Variants in PHACTR1 observed in about 807,000 individuals in gnomAD.
The protein encoded by PHACTR1 is phosphatase and actin regulator 1.
Under a neutral mutation model 69.2 loss-of-function variants are expected in PHACTR1, and 16 were observed. That is an observed-to-expected ratio of 0.23 (90% CI 0.16 to 0.35). PHACTR1 has a LOEUF of 0.35. Among genes scored for constraint, PHACTR1 ranks in the 10% least tolerant of loss-of-function variants. The probability of loss-of-function intolerance (pLI) is 1.00; values close to 1 mark genes in which losing one functional copy is unlikely to be tolerated. For synonymous variants in PHACTR1, 312 were observed against 284.5 expected (o/e 1.10, Z -0.97); for missense variants, 510 against 734.7 (o/e 0.69, Z 3.54).
intron 4 of PHACTR1, among the ~76,000 whole-genome samples, chr6:12,765,044 A>G (rs1159762894): frequency 6.6e-6 from 1 of 152,226 alleles, no homozygotes; most frequent in Non-Finnish European, 1.5e-5. Flanking sequence ...CTCATATTTC[A>G]GAGTTATTAG....
rs1770106931 is a variant in PHACTR1 at position 13,228,068 on chromosome 6, G to A, written c.1234+5G>A. On this transcript the variant is annotated splice_donor_5th_base_variant and intron_variant, in intron 9 of 14. Coordinates refer to ENST00000332995, the MANE Select transcript of PHACTR1 (RefSeq NM_030948.6). ...ACGACAGCTCATTATACACCAGTGC[G>A]TTCATCTTAACTCATCACCAGGGGT... The A allele has an allele frequency of 6.2e-7, 1 of 1,607,716 alleles. No homozygotes were observed.
At chr6:13,096,756 G>A (rs375226014) in intron 5 of PHACTR1, among the ~76,000 whole-genome samples, 22 of 152,244 alleles carry the variant, frequency 1.4e-4, no homozygotes, top group African/African-American at 5.1e-4. Context: ...CATAGCTTTC[G>A]CAAGTGTTAT....
rs1299652774 is a variant in PHACTR1 at position 13,019,734 on chromosome 6, A to G, written c.251-33631A>G. Among the ~76,000 whole-genome samples, 6 of 152,232 alleles carry G rather than the reference A, an allele frequency of 3.9e-5. No individual in the cohort carries two copies. In the East Asian group the frequency reaches 7.7e-4, roughly 20 times the overall value. On this transcript the variant is annotated intron_variant, in intron 4 of 14. Coordinates refer to ENST00000332995, the MANE Select transcript of PHACTR1 (RefSeq NM_030948.6). Reference sequence around the variant, plus strand: ...CCTCATTTGTCTAAAGGAGATAAAAACACTCACATTGAAAAAGGTAATAGA... The same window carrying G: ...CCTCATTTGTCTAAAGGAGATAAAAGCACTCACATTGAAAAAGGTAATAGA...
At chr6:12,746,031 G>C (rs1245201572) in intron 3 of PHACTR1, among the ~76,000 whole-genome samples, 1 of 152,146 alleles carries the variant, frequency 6.6e-6, no homozygotes, top group Non-Finnish European at 1.5e-5. Context: ...GAAATATTGG[G>C]ACAAGCCCTT....
chr6:13,038,632 TAG>T (rs1290464440), intron 4 of PHACTR1, among the ~76,000 whole-genome samples: 1 of 152,196 alleles, frequency 6.6e-6, no homozygotes, highest in Non-Finnish European at 1.5e-5. Flanking sequence ...TTACAAACTA[TAG>T]AGTTTGTATA....
At position 12,746,103 on chromosome 6, in the gene PHACTR1, T is replaced by A. The variant is rs549189157; in HGVS notation, c.104-3541T>A. Reference sequence around the variant, plus strand: ...TGAAAAGGGACTGACTGTGTGGAACTGTTACGAAGACTAAGGAAGGGTGTG... The same window carrying A: ...TGAAAAGGGACTGACTGTGTGGAACAGTTACGAAGACTAAGGAAGGGTGTG... On this transcript the variant is annotated intron_variant, in intron 3 of 14. Coordinates refer to ENST00000332995, the MANE Select transcript of PHACTR1 (RefSeq NM_030948.6). Among the ~76,000 whole-genome samples, 24 of 152,236 alleles carry A rather than the reference T, an allele frequency of 1.6e-4. 1 individual carries two copies. In the South Asian group the frequency reaches 5.0e-3, roughly 32 times the overall value.
chr6:13,131,146 T>C (rs572952537), intron 5 of PHACTR1, among the ~76,000 whole-genome samples: 3 of 150,516 alleles, frequency 2.0e-5, no homozygotes, highest in African/African-American at 7.3e-5. Context: ...TACATATATA[T>C]ACACATATAT....
chr6:12,869,370 A>T (rs979904516), intron 4 of PHACTR1, among the ~76,000 whole-genome samples: 11 of 151,816 alleles, frequency 7.2e-5, no homozygotes, highest in Admixed American at 2.0e-4. Context: ...CCCTATCCCA[A>T]TCCCTTGCAC....
At chr6:12,920,775 G>T (rs567233621) in intron 4 of PHACTR1, among the ~76,000 whole-genome samples, 1 of 152,212 alleles carries the variant, frequency 6.6e-6, no homozygotes, top group Non-Finnish European at 1.5e-5. Context: ...GCTGTAAGAA[G>T]GTGTACATTT....
intron 4 of PHACTR1, among the ~76,000 whole-genome samples, chr6:13,018,859 C>T (rs963211074): frequency 6.6e-6 from 1 of 151,860 alleles, no homozygotes; most frequent in Non-Finnish European, 1.5e-5. Context: ...ACCAACTCAT[C>T]TATCTGTTTG....
At chr6:13,143,594 C>A (rs897887322) in intron 5 of PHACTR1, among the ~76,000 whole-genome samples, 2 of 152,138 alleles carry the variant, frequency 1.3e-5, no homozygotes, top group African/African-American at 4.8e-5. Context: ...TGGAAATTTG[C>A]ATTTTAAAGT....
intron 5 of PHACTR1, among the ~76,000 whole-genome samples, chr6:13,121,697 A>G (rs1192870838): frequency 2.0e-5 from 3 of 152,230 alleles, no homozygotes; most frequent in Non-Finnish European, 4.4e-5. Flanking sequence ...TCTGGCAGCT[A>G]TATGAAGGCT....
At chr6:12,770,368 A>G (rs1263535427) in intron 4 of PHACTR1, among the ~76,000 whole-genome samples, 1 of 152,202 alleles carries the variant, frequency 6.6e-6, no homozygotes. Flanking sequence ...AGATGGTGAC[A>G]TAGTTGAGAT....
At chr6:13,112,380 T>C (rs1038245771) in intron 5 of PHACTR1, among the ~76,000 whole-genome samples, 2 of 152,230 alleles carry the variant, frequency 1.3e-5, no homozygotes, top group Non-Finnish European at 2.9e-5. Flanking sequence ...TTAAATTCCT[T>C]TGGGTATACA....
chr6:13,174,086 C>T (rs943642628), intron 6 of PHACTR1, among the ~76,000 whole-genome samples: 2 of 151,894 alleles, frequency 1.3e-5, no homozygotes, highest in Non-Finnish European at 2.9e-5. Context: ...GTACATAAGA[C>T]GAAGTCTCTA....
intron 4 of PHACTR1, among the ~76,000 whole-genome samples, chr6:12,759,442 CAA>C (rs5874377): frequency 3.0e-5 from 4 of 132,524 alleles, no homozygotes; most frequent in Non-Finnish European, 3.3e-5. Flanking sequence ...AAGGCATTTG[CAA>C]AAAAAAAAAA....
chr6:13,275,688 G>C lies in PHACTR1; in HGVS notation c.1448-2580G>C, dbSNP rs1778749240. On this transcript the variant is annotated intron_variant, in intron 11 of 14. Coordinates refer to ENST00000332995, the MANE Select transcript of PHACTR1 (RefSeq NM_030948.6). The surrounding 1 kb of genome is among the most constrained non-coding windows in gnomAD (Gnocchi z 4.0). Reference sequence around the variant, plus strand: ...GCCACTTAACACCCCTGAGGCTTCAGATCCTCAGTTATAAACCAGGAGTGG... The same window carrying C: ...GCCACTTAACACCCCTGAGGCTTCACATCCTCAGTTATAAACCAGGAGTGG... The C allele has an allele frequency of 6.6e-6, 1 of 152,178 alleles. No homozygotes were observed. Among genetic ancestry groups the C allele is most frequent in the Admixed American group, 6.5e-5 (1 of 15,280 alleles). The allele number at this position is 152,178 out of a possible 1,614,324, so 9.4% of individuals were successfully genotyped here.
At chr6:13,186,015 G>A (rs1430440689) in intron 7 of PHACTR1, among the ~76,000 whole-genome samples, 4 of 152,114 alleles carry the variant, frequency 2.6e-5, no homozygotes, top group Non-Finnish European at 4.4e-5. Context: ...TGTCTTTCAC[G>A]TGATACTGAG....
intron 4 of PHACTR1, among the ~76,000 whole-genome samples, chr6:12,854,910 A>T (rs559765448): frequency 2.0e-4 from 31 of 152,352 alleles, no homozygotes; most frequent in African/African-American, 7.5e-4. Flanking sequence ...AAGGTTGTAG[A>T]GAAAAGGGAA....
Sources: allele counts gnomAD v4.1 joint callset (sites outside exome capture counted in the v4.1 genomes callset), GRCh38; gene constraint gnomAD v4.1.1; non-coding constraint Gnocchi (gnomAD v3.1); transcripts MANE v1.5; gene names NCBI Gene and HGNC (gene_info 2026-07-23, HGNC 2026-07-21).